MED12L: variants seen among roughly 807,000 people sequenced by gnomAD.
MED12L encodes mediator complex subunit 12L.
MED12L carries 60 observed loss-of-function variants against 281.3 expected under a neutral mutation model. The observed-to-expected ratio is 0.21, with a 90% CI of 0.17 to 0.26. MED12L has a LOEUF of 0.26. Among genes scored for constraint, MED12L ranks in the 10% least tolerant of loss-of-function variants. The pLI is 1.00. For synonymous variants in MED12L, 974 were observed against 987.2 expected (o/e 0.99, Z 0.25); for missense variants, 2,146 against 2,680.9 (o/e 0.80, Z 4.41).
intron 11 of MED12L, 118 bp downstream of exon 11, chr3:151,166,100 A>G (rs1720682954): frequency 1.3e-6 from 1 of 772,642 alleles, no homozygotes; most frequent in South Asian, 2.1e-5. Context: ...TTATGAAGAC[A>G]TACACACTTG....
chr3:151,156,926 T>C (rs1044080560), intron 6 of MED12L, among the ~76,000 whole-genome samples: 23 of 152,316 alleles, frequency 1.5e-4, no homozygotes, highest in African/African-American at 4.6e-4. Context: ...GTGCCTGTTA[T>C]CTTGATTAAA....
In MED12L at chr3:151,384,158, A is replaced by G. The variant is rs962586177; in HGVS notation, c.4866A>G (p.Ala1622=). Residue 1622 remains alanine, a synonymous_variant, in exon 35 of 45, where the codon GCA becomes GCG. Coordinates refer to ENST00000687756, the MANE Select transcript of MED12L (RefSeq NM_001393769.1). ...NGTLASDLSN[A]SPGGSEENKR... is the part of the protein sequence containing the mutation. ...CGTTAGCCTCTGACCTATCAAATGC[A>G]TCCCCTGGGGGATCTGAAGAGAACA... is the stretch of plus-strand genomic sequence containing the variant. 1 of 1,614,058 alleles carries G rather than the reference A, an allele frequency of 6.2e-7. No homozygotes were observed. Among genetic ancestry groups the G allele is most frequent in the Non-Finnish European group, 8.5e-7 (1 of 1,179,936 alleles).
In MED12L at chr3:151,085,750, C is replaced by G. The variant is rs1441113458; in HGVS notation, c.-316C>G. On this transcript the variant is annotated 5_prime_UTR_variant, in exon 1 of 45. Coordinates refer to ENST00000687756, the MANE Select transcript of MED12L (RefSeq NM_001393769.1). ...GGGGGCGAGAACGCCGGCGGCGAGC[C>G]GGCGTCGCTCGCCGCCCCCAGACAG... 1 of 152,064 alleles carries G rather than the reference C, an allele frequency of 6.6e-6. No individual in the cohort carries two copies. Among genetic ancestry groups the G allele is most frequent in the Non-Finnish European group, 1.5e-5 (1 of 68,002 alleles). The allele number at this position is 152,064 out of a possible 1,614,324, so 9.4% of individuals were successfully genotyped here.
At chr3:151,169,061 C>T (rs1307773650) in intron 11 of MED12L, among the ~76,000 whole-genome samples, 3 of 148,118 alleles carry the variant, frequency 2.0e-5, no homozygotes, top group African/African-American at 7.4e-5. Context: ...CAAGTTTTAT[C>T]TCTCTATTTA....
chr3:151,334,192 C>CTTTTTTTTTT (rs71848482), intron 16 of MED12L, among the ~76,000 whole-genome samples: 1,854 of 98,954 alleles, frequency 0.019, 210 homozygotes, highest in African/African-American at 0.062. Flanking sequence ...TTCTTTCTTT[C>CTTTTTTTTTT]TTTCTTTTTT....
chr3:151,251,819 A>G (rs1024983412), intron 16 of MED12L, among the ~76,000 whole-genome samples: 1 of 152,130 alleles, frequency 6.6e-6, no homozygotes, highest in African/African-American at 2.4e-5. Context: ...AATTTCAGCT[A>G]TTTGTGTACT....
At chr3:151,412,211 G>A (rs888302296) in intron 41 of MED12L, among the ~76,000 whole-genome samples, 3 of 152,144 alleles carry the variant, frequency 2.0e-5, no homozygotes, top group African/African-American at 7.2e-5. Flanking sequence ...GGTGTGTGAC[G>A]TGCACTGTGT....
intron 16 of MED12L, chr3:151,212,701 A>G (rs1727373936): frequency 6.6e-6 from 1 of 152,152 alleles, no homozygotes; most frequent in Non-Finnish European, 1.5e-5. Flanking sequence ...CTTGCTAAGT[A>G]TACAATTAAT....
rs546155983 is a variant in MED12L at position 151,313,840 on chromosome 3, C to G, written c.2251-36219C>G. ...TTGGGAGGCTGAGGCAGGAGAATCG[C>G]TTGAACGCAGGAGGCAGAGGTTGCA... On this transcript the variant is annotated intron_variant, in intron 16 of 44. Coordinates refer to ENST00000687756, the MANE Select transcript of MED12L (RefSeq NM_001393769.1). Among the ~76,000 whole-genome samples the G allele has an allele frequency of 2.0e-5, 3 of 151,862 alleles. No individual in the cohort carries two copies. The South Asian group carries it at 6.2e-4, about 32-fold the overall frequency.
intron 16 of MED12L, among the ~76,000 whole-genome samples, chr3:151,204,435 A>G (rs1726081437): frequency 6.6e-6 from 1 of 152,164 alleles, no homozygotes; most frequent in African/African-American, 2.4e-5. Context: ...ATTCTCCCAA[A>G]TTCATATAAT....
At position 151,163,973 on chromosome 3, in the gene MED12L, C is replaced by G; in HGVS notation, c.1188C>G (p.Pro396=). 1 of 1,613,884 alleles carries G rather than the reference C, an allele frequency of 6.2e-7. No individual in the cohort carries two copies. Among genetic ancestry groups the G allele is most frequent in the South Asian group, 1.1e-5 (1 of 91,018 alleles). The part of the protein sequence containing the change: ...NENKSANPGS[P]LDLLQVAPSS... ...ATAAGAGCGCAAACCCAGGCTCACC[C>G]CTGGATCTGCTGCAGGTGGCCCCGT... Residue 396 remains proline, a synonymous_variant, in exon 9 of 45, where the codon CCC becomes CCG. Transcript: ENST00000687756.
chr3:151,124,994 A>G (rs1311443703), intron 4 of MED12L, among the ~76,000 whole-genome samples: 2 of 152,150 alleles, frequency 1.3e-5, no homozygotes, highest in Non-Finnish European at 2.9e-5. Context: ...GTGATAGGAC[A>G]CCCTTTTGTG....
At chr3:151,247,279 T>G (rs1383032327) in intron 16 of MED12L, among the ~76,000 whole-genome samples, 3 of 152,036 alleles carry the variant, frequency 2.0e-5, no homozygotes, top group Non-Finnish European at 4.4e-5. Context: ...ACCCAAAGGA[T>G]TATAAATCAT....
At chr3:151,152,085 GTTTTTTTTTTTTTTT>G (rs141353889) in intron 5 of MED12L, among the ~76,000 whole-genome samples, 2,271 of 63,126 alleles carry the variant, frequency 0.036, 104 homozygotes, top group African/African-American at 0.13. Flanking sequence ...GTTGAAGGTG[GTTTTTTTTTTTTTTT>G]TTTTTTTTTT....
intron 5 of MED12L, among the ~76,000 whole-genome samples, chr3:151,141,187 G>GTTTTTTTTTTGTTTTTT (rs1716942489): frequency 1.0e-5 from 1 of 99,108 alleles, no homozygotes; most frequent in African/African-American, 4.8e-5. Flanking sequence ...TGTTTTTTTT[G>GTTTTTTTTTTGTTTTTT]TTTTTTTTTT....
chr3:151,282,578 C>T (rs1042059169), intron 16 of MED12L, among the ~76,000 whole-genome samples: 1 of 152,056 alleles, frequency 6.6e-6, no homozygotes, highest in African/African-American at 2.4e-5. Context: ...TGGAAATTGT[C>T]CTCTATAGGA....
At chr3:151,403,320 A>G (rs1055992583) in intron 39 of MED12L, among the ~76,000 whole-genome samples, 1 of 152,038 alleles carries the variant, frequency 6.6e-6, no homozygotes, top group Non-Finnish European at 1.5e-5. Context: ...GTGCACCTTC[A>G]TCTCAGTCCC....
chr3:151,409,250 C>G lies in MED12L; in HGVS notation c.5828C>G (p.Pro1943Arg), dbSNP rs779962238. 6.3e-7 allele frequency: 1 copy of G among 1,592,236 alleles called. No individual in the cohort carries two copies. The highest frequency in any genetic ancestry group is 1.9e-5 in the Admixed American group (1 of 53,622). ...TTTGGCTTTGTTTTCCAGGGCCAGCCGGGGGACCAGGCTGCTCTCTTTGCT... is the reference window on the plus strand; with the variant it reads ...TTTGGCTTTGTTTTCCAGGGCCAGCGGGGGGACCAGGCTGCTCTCTTTGCT... Reference protein sequence around the residue: ...AQTRPFQQGQPGDQAALFAAQ... With the variant: ...AQTRPFQQGQRGDQAALFAAQ... The change falls in exon 40 of 45, where the codon CCG (proline) becomes CGG (arginine). Residue 1943 changes from proline (P) to arginine (R), a missense_variant. Pro to Arg is a moderately radical substitution (Grantham distance 103, BLOSUM62 -2). Around this residue, in one of 9 missense-constraint regions of MED12L, gnomAD observed 496 missense variants for 512.0 expected, o/e 0.97. Transcript: ENST00000687756.
chr3:151,323,903 C>A (rs940318792), intron 16 of MED12L, among the ~76,000 whole-genome samples: 1 of 152,356 alleles, frequency 6.6e-6, no homozygotes, highest in Non-Finnish European at 1.5e-5. Flanking sequence ...CACTATTGCA[C>A]CATTCATACC....
Sources: allele counts gnomAD v4.1 joint callset (sites outside exome capture counted in the v4.1 genomes callset), GRCh38; gene constraint gnomAD v4.1.1; regional missense constraint gnomAD v4.1.1; transcripts MANE v1.5; gene names NCBI Gene and HGNC (gene_info 2026-07-23, HGNC 2026-07-21).